Variants in ZSWIM6 observed in about 807,000 individuals in gnomAD.
ZSWIM6 encodes zinc finger SWIM domain-containing protein 6.
Under a neutral mutation model 113.2 loss-of-function variants are expected in ZSWIM6, and 9 were observed. The ratio of observed to expected loss-of-function variants is 0.08; its 90% CI spans 0.05 to 0.14. The LOEUF (loss-of-function observed/expected upper bound fraction) is 0.14, where lower values mean the gene tolerates loss of function less well. ZSWIM6 is among the 10% of genes least tolerant of loss of function. The pLI is 1.00. For missense variants in ZSWIM6, 1,162 were observed against 1,552.2 expected (o/e 0.75, Z 4.22); for synonymous variants, 611 against 606.5 (o/e 1.01, Z -0.11).
intron 1 of ZSWIM6, chr5:61,390,933 G>A: frequency 2.5e-6 from 2 of 807,184 alleles, no homozygotes; most frequent in Non-Finnish European, 4.4e-6. Context: ...GGCCCCCAGA[G>A]GGTGGCTTGT....
intron 2 of ZSWIM6, among the ~76,000 whole-genome samples, chr5:61,475,842 A>G (rs1204631977): frequency 1.3e-5 from 2 of 152,236 alleles, no homozygotes; most frequent in African/African-American, 4.8e-5. Flanking sequence ...CCACCTGCCT[A>G]TAAAGATCTG....
Position 61,539,249 on chromosome 5 carries a change from T to G in ZSWIM6, c.2539+278T>G, listed in dbSNP as rs535832114. Among the ~76,000 whole-genome samples, 81 of 152,300 alleles carry G rather than the reference T, an allele frequency of 5.3e-4. 1 individual carries two copies. The highest frequency in any genetic ancestry group is 3.4e-3 in the Middle Eastern group (1 of 294). ...GCAGATTTACAAGTTGGGTTACATT[T>G]TTTTCTTCCTGAAATATTCACCAAA... is the stretch of plus-strand genomic sequence containing the variant. On this transcript the variant is annotated intron_variant, in intron 11 of 13. Transcript: ENST00000252744.
At chr5:61,520,499 T>G (rs1209622176) in intron 4 of ZSWIM6, among the ~76,000 whole-genome samples, 1 of 152,182 alleles carries the variant, frequency 6.6e-6, no homozygotes, top group Non-Finnish European at 1.5e-5. Flanking sequence ...AAATTTTGAT[T>G]ATGGTTTAGT....
intron 1 of ZSWIM6, among the ~76,000 whole-genome samples, chr5:61,344,504 C>T (rs1186281400): frequency 6.6e-6 from 1 of 152,204 alleles, no homozygotes; most frequent in Non-Finnish European, 1.5e-5. Flanking sequence ...CATTTTCTTT[C>T]TTCTTTTCCT....
At chr5:61,465,504 A>G (rs1747416467) in intron 1 of ZSWIM6, among the ~76,000 whole-genome samples, 1 of 151,244 alleles carries the variant, frequency 6.6e-6, no homozygotes, top group Non-Finnish European at 1.5e-5. Context: ...AAATTAGTGG[A>G]TGAGAGTCTT....
chr5:61,510,466 A>G (rs1377420113), intron 4 of ZSWIM6, among the ~76,000 whole-genome samples: 1 of 151,200 alleles, frequency 6.6e-6, no homozygotes, highest in East Asian at 1.9e-4. Context: ...AAGACCACTA[A>G]GTGGATTGGA....
At chr5:61,421,914 T>C (rs749661137) in intron 1 of ZSWIM6, among the ~76,000 whole-genome samples, 2 of 152,250 alleles carry the variant, frequency 1.3e-5, no homozygotes, top group Non-Finnish European at 2.9e-5. Context: ...ATTAGATTTT[T>C]TCCTCTAGGG....
intron 1 of ZSWIM6, chr5:61,375,884 A>C: frequency 1.1e-6 from 1 of 926,512 alleles, no homozygotes; most frequent in Admixed American, 2.4e-5. Flanking sequence ...TTCCCTTATA[A>C]AGAAAGTGCA....
At chr5:61,535,063 C>A (rs1749540467) in intron 9 of ZSWIM6, among the ~76,000 whole-genome samples, 1 of 152,142 alleles carries the variant, frequency 6.6e-6, no homozygotes. Context: ...TGTCCCTAAC[C>A]CTTCTTAGGT....
chr5:61,379,233 A>G (rs1224781556), intron 1 of ZSWIM6, among the ~76,000 whole-genome samples: 1 of 151,846 alleles, frequency 6.6e-6, no homozygotes, highest in East Asian at 1.9e-4. Flanking sequence ...TAAATAAAGA[A>G]TAGTTTGGAA....
chr5:61,453,340 G>C (rs551795352), intron 1 of ZSWIM6, among the ~76,000 whole-genome samples: 16 of 147,858 alleles, frequency 1.1e-4, no homozygotes, highest in Non-Finnish European at 2.2e-4. Context: ...TCACTTTTGT[G>C]TTTTGTGGTG....
intron 3 of ZSWIM6, among the ~76,000 whole-genome samples, 200 bp downstream of exon 3, chr5:61,491,134 C>T (rs1422656078): frequency 6.6e-6 from 1 of 151,914 alleles, no homozygotes; most frequent in African/African-American, 2.4e-5. Flanking sequence ...ATATTTTTGT[C>T]TCTCTCAGTT....
chr5:61,530,217 G>A lies in ZSWIM6; in HGVS notation c.1984+19G>A, dbSNP rs776727134. The A allele has an allele frequency of 1.0e-5, 16 of 1,537,888 alleles. No homozygotes were observed. Among genetic ancestry groups the A allele is most frequent in the Non-Finnish European group, 1.1e-5 (12 of 1,138,710 alleles). ...TTTACAGGTAAAACCATTGACATTT[G>A]TCTCATGTGCTTTTCTTTTTCTAAA... On this transcript the variant is annotated intron_variant, in intron 8 of 13. Coordinates refer to ENST00000252744, the MANE Select transcript of ZSWIM6 (RefSeq NM_020928.2).
rs143992183 is a variant in ZSWIM6, at chr5:61,488,162, A to G, written c.1034-2624A>G. 2.8e-4 allele frequency among the ~76,000 whole-genome samples: 43 copies of G among 151,742 alleles called. No individual in the cohort carries two copies. In the East Asian group the frequency reaches 8.1e-3, roughly 29 times the overall value. On this transcript the variant is annotated intron_variant, in intron 2 of 13. Coordinates refer to ENST00000252744, the MANE Select transcript of ZSWIM6 (RefSeq NM_020928.2). The stretch of plus-strand genomic sequence containing the variant: ...TTTTTGTTCTTTATTCTGGTATCAC[A>G]TTTCTCAATTTGCATGTTAAACAAT...
At chr5:61,488,462 A>C (rs1189565167) in intron 2 of ZSWIM6, among the ~76,000 whole-genome samples, 1 of 152,060 alleles carries the variant, frequency 6.6e-6, no homozygotes, top group Non-Finnish European at 1.5e-5. Context: ...GTTTGGTAGA[A>C]TTAGGCTGTA....
chr5:61,535,682 T>C, intron 10 of ZSWIM6, 63 bp downstream of exon 10: 1 of 1,531,066 alleles, frequency 6.5e-7, no homozygotes, highest in Non-Finnish European at 8.8e-7. Context: ...GCATGGCTGT[T>C]AACTGACTTA....
chr5:61,505,670 CCTTCTTTCCTTG>C (rs1334673169), intron 4 of ZSWIM6, among the ~76,000 whole-genome samples: 2,765 of 103,942 alleles, frequency 0.027, 285 homozygotes, highest in Non-Finnish European at 0.032. Context: ...TTCCTTCCTT[CCTTCTTTCCTTG>C]CCTCCCTCCC....
intron 8 of ZSWIM6, among the ~76,000 whole-genome samples, chr5:61,530,839 G>T (rs936197373): frequency 6.6e-6 from 1 of 152,160 alleles, no homozygotes; most frequent in African/African-American, 2.4e-5. Context: ...CCCTGTGATA[G>T]TTGCCTTCAT....
At chr5:61,437,019 G>A (rs1746722404) in intron 1 of ZSWIM6, among the ~76,000 whole-genome samples, 1 of 152,184 alleles carries the variant, frequency 6.6e-6, no homozygotes, top group Non-Finnish European at 1.5e-5. Flanking sequence ...CAAACTGAGA[G>A]TATGAGCATC....
Sources: gnomAD v4.1 joint callset for allele counts (sites outside exome capture counted in the v4.1 genomes callset) on GRCh38, gnomAD v4.1.1 for gene constraint, MANE v1.5 for transcripts, NCBI Gene and HGNC (gene_info 2026-07-23, HGNC 2026-07-21) for gene names.